OSBPL10: variants seen among roughly 807,000 people sequenced by gnomAD.
OSBPL10 encodes the protein oxysterol-binding protein-related protein 10.
A neutral mutation model predicts 81.7 loss-of-function variants in OSBPL10; 49 were observed. The observed-to-expected ratio is 0.60, with a 90% CI of 0.48 to 0.76. The LOEUF is 0.76. Ranked by LOEUF, OSBPL10 falls within the 30% of genes least tolerant of loss-of-function variation. The probability of loss-of-function intolerance (pLI) is 0.00; values close to 1 mark genes in which losing one functional copy is unlikely to be tolerated. For synonymous variants in OSBPL10, 419 were observed against 383.6 expected, an observed-to-expected ratio of 1.09 and a Z score of -1.08; for missense variants, 923 against 987.8, an observed-to-expected ratio of 0.93 and a Z score of 0.88.
rs1700312137 is a variant in OSBPL10 at position 31,671,057 on chromosome 3, A to G, written c.1727-74T>C. The G allele has an allele frequency of 1.8e-5, 25 of 1,396,308 alleles. No homozygotes were observed. In the East Asian group the frequency reaches 6.2e-4, roughly 35 times the overall value. 86.5% of individuals were successfully genotyped at this position (1,396,308 alleles called of 1,614,324 possible). A position where few individuals can be genotyped will look rare whatever the true frequency, so the allele number is the denominator to read the frequency against. On this transcript the variant is annotated intron_variant, in intron 8 of 11. Coordinates refer to ENST00000396556, the MANE Select transcript of OSBPL10 (RefSeq NM_017784.5). ...GCACTGGGGATCAGAAGAAATGAAG[A>G]TGGGAAACCAAAGAGCCTCCTGCAC...
At chr3:31,907,560 GA>G (rs768423002) in intron 1 of OSBPL10, among the ~76,000 whole-genome samples, 10 of 137,808 alleles carry the variant, frequency 7.3e-5, no homozygotes, top group South Asian at 7.2e-4. Context: ...CCAAGAGGCA[GA>G]GGTTGCAGTG....
At chr3:31,836,343 C>T (rs1473199393) in intron 3 of OSBPL10, among the ~76,000 whole-genome samples, 1 of 152,186 alleles carries the variant, frequency 6.6e-6, no homozygotes, top group Non-Finnish European at 1.5e-5. Context: ...CTTCCAGAGA[C>T]GAAGTCTCTA....
intron 2 of OSBPL10, among the ~76,000 whole-genome samples, chr3:32,009,702 G>A (rs1028237201): frequency 1.2e-4 from 19 of 152,172 alleles, no homozygotes; most frequent in Non-Finnish European, 2.5e-4. Context: ...CAATATGGAC[G>A]GATGCGAGGT....
intron 8 of OSBPL10, among the ~76,000 whole-genome samples, chr3:31,674,641 G>A (rs781209027): frequency 2.0e-5 from 3 of 151,618 alleles, no homozygotes; most frequent in South Asian, 4.2e-4. Flanking sequence ...AAAAGAGTCC[G>A]ACACCTCCCC....
intron 2 of OSBPL10, chr3:31,986,308 C>T (rs1698931922): frequency 6.6e-6 from 1 of 152,190 alleles, no homozygotes; most frequent in African/African-American, 2.4e-5. Context: ...TGAACCAAGG[C>T]CTTCTGACTC....
intron 4 of OSBPL10, among the ~76,000 whole-genome samples, chr3:31,761,667 A>G (rs1222280089): frequency 1.3e-5 from 2 of 151,334 alleles, no homozygotes; most frequent in Non-Finnish European, 2.9e-5. Context: ...AAATACAAAA[A>G]TTAGCTGGGC....
chr3:31,897,184 A>ATGGTTT (rs1696084147), intron 1 of OSBPL10, among the ~76,000 whole-genome samples: 1 of 152,230 alleles, frequency 6.6e-6, no homozygotes, highest in African/African-American at 2.4e-5. Flanking sequence ...TCAGCAAACC[A>ATGGTTT]GCGGAGGCTA....
chr3:31,750,638 T>C (rs1036063040), intron 4 of OSBPL10, among the ~76,000 whole-genome samples: 17 of 152,210 alleles, frequency 1.1e-4, no homozygotes, highest in African/African-American at 4.1e-4. Context: ...GAGCTATTTG[T>C]AGTCAGCATT....
intron 1 of OSBPL10, among the ~76,000 whole-genome samples, chr3:32,048,626 ATAGAC>A (rs1189973761): frequency 6.6e-6 from 1 of 152,142 alleles, no homozygotes; most frequent in African/African-American, 2.4e-5. Flanking sequence ...CACTATTACT[ATAGAC>A]TAGCTGTTTT....
At chr3:31,939,443 A>G (rs1170742598) in intron 1 of OSBPL10, among the ~76,000 whole-genome samples, 3 of 150,400 alleles carry the variant, frequency 2.0e-5, no homozygotes, top group African/African-American at 7.3e-5. Context: ...ACACCTGGCC[A>G]ACTCTTTCAT....
Position 31,912,212 on chromosome 3 carries a change from G to A in OSBPL10, c.282-32382C>T, listed in dbSNP as rs949288721. Among the ~76,000 whole-genome samples, 7 of 152,088 alleles carry A rather than the reference G, an allele frequency of 4.6e-5. 1 individual carries two copies. In the South Asian group the frequency reaches 1.0e-3, roughly 23 times the overall value. On this transcript the variant is annotated intron_variant, in intron 1 of 11. Transcript: ENST00000396556. ...AGTTTGAGACCAGCCTGGCTAACAC[G>A]GTGAAACTCCGTCTCTATTAAAAAT...
intron 2 of OSBPL10, among the ~76,000 whole-genome samples, chr3:32,009,401 C>T (rs1699232424): frequency 6.6e-6 from 1 of 152,212 alleles, no homozygotes; most frequent in Non-Finnish European, 1.5e-5. Context: ...CAGGCTTTGT[C>T]TCTCACTAGT....
At chr3:31,818,521 C>T (rs775986658) in intron 4 of OSBPL10, among the ~76,000 whole-genome samples, 9 of 152,242 alleles carry the variant, frequency 5.9e-5, no homozygotes, top group Non-Finnish European at 1.2e-4. Flanking sequence ...CTGACTAGCA[C>T]AGCACCATAG....
At position 31,809,869 on chromosome 3, in the gene OSBPL10, C is replaced by CTTTTTTTTTTTTTTTTT. The variant is rs34795137; in HGVS notation, c.729+20154_729+20170dup. 4.1e-4 allele frequency among the ~76,000 whole-genome samples: 40 copies of CTTTTTTTTTTTTTTTTT among 98,622 alleles called. 3 individuals are homozygous for CTTTTTTTTTTTTTTTTT. The highest frequency in any genetic ancestry group is 2.0e-3 in the African/African-American group (37 of 18,426). 64.7% of individuals were successfully genotyped at this position (98,622 alleles called of 152,430 possible). Reference sequence around the variant, plus strand: ...AAATGTCAATGGGTGCCCCCTGACTCTTTTTTTTTTTTTTTTTTTGAGATG... The same window carrying CTTTTTTTTTTTTTTTTT: ...AAATGTCAATGGGTGCCCCCTGACTCTTTTTTTTTTTTTTTTTTTTTTTTTTTTTTTTTTTTGAGATG... On this transcript the variant is annotated intron_variant, in intron 4 of 11. Coordinates refer to ENST00000396556, the MANE Select transcript of OSBPL10 (RefSeq NM_017784.5).
intron 5 of OSBPL10, among the ~76,000 whole-genome samples, chr3:31,737,094 C>G (rs867275554): frequency 1.3e-5 from 2 of 152,128 alleles, no homozygotes; most frequent in African/African-American, 4.8e-5. Flanking sequence ...TTGGGATAGA[C>G]AAAGACCAGG....
chr3:31,950,875 G>A (rs1173686032), intron 1 of OSBPL10, among the ~76,000 whole-genome samples: 3 of 152,246 alleles, frequency 2.0e-5, no homozygotes, highest in East Asian at 3.9e-4. Flanking sequence ...TTTCCATCTT[G>A]AGTAAAAGTT....
intron 2 of OSBPL10, among the ~76,000 whole-genome samples, chr3:31,996,744 G>A (rs1163454704): frequency 1.3e-5 from 2 of 151,976 alleles, no homozygotes; most frequent in East Asian, 1.9e-4. Context: ...AGCAAAAGCC[G>A]AAAAACCAGC....
At chr3:31,840,409 C>T (rs370913645) in intron 3 of OSBPL10, among the ~76,000 whole-genome samples, 1 of 152,208 alleles carries the variant, frequency 6.6e-6, no homozygotes. Context: ...CAAAAGGGCA[C>T]GCCTACTTGT....
At chr3:31,812,717 A>AG (rs1348253112) in intron 4 of OSBPL10, among the ~76,000 whole-genome samples, 50 of 53,538 alleles carry the variant, frequency 9.3e-4, no homozygotes, top group Middle Eastern at 0.014. Flanking sequence ...GTAGGCAAAA[A>AG]AAAAGAAAGA....
Sources: gnomAD v4.1 joint callset for allele counts (sites outside exome capture counted in the v4.1 genomes callset) on GRCh38, gnomAD v4.1.1 for gene constraint, MANE v1.5 for transcripts, NCBI Gene and HGNC (gene_info 2026-07-23, HGNC 2026-07-21) for gene names.